The following SLC9B1 variants were observed in gnomAD, a reference collection of about 807,000 sequenced individuals.
SLC9B1 encodes the protein sodium/hydrogen exchanger 9B1.
A neutral mutation model predicts 51.7 loss-of-function variants in SLC9B1; 32 were observed. That is an observed-to-expected ratio of 0.62 (90% CI 0.47 to 0.83). The LOEUF is 0.83. Ranked by LOEUF, SLC9B1 falls within the 40% of genes least tolerant of loss-of-function variation. The pLI, the probability that SLC9B1 is intolerant of heterozygous loss-of-function variation, is 0.00. For missense variants in SLC9B1, 406 were observed against 613.2 expected, an observed-to-expected ratio of 0.66 and a Z score of 3.57; for synonymous variants, 145 against 212.7, an observed-to-expected ratio of 0.68 and a Z score of 2.77.
At position 102,949,344 on chromosome 4, in the gene SLC9B1, A is replaced by G; in HGVS notation, c.295T>C (p.Phe99Leu). The G allele has an allele frequency of 1.2e-6, 2 of 1,611,238 alleles. No individual in the cohort carries two copies. Among genetic ancestry groups the G allele is most frequent in the Non-Finnish European group, 1.7e-6 (2 of 1,179,510 alleles). The change falls in exon 4 of 12, where the codon TTC becomes CTC. Residue 99 changes from phenylalanine to leucine, a missense_variant. By Grantham distance (22) the Phe-to-Leu change is conservative (BLOSUM62 0). Coordinates refer to ENST00000296422, the MANE Select transcript of SLC9B1 (RefSeq NM_139173.4). ...ATAATGGCACTATAAAAAATAATGAACAACCCAAATAAATTTCCACCAGGG... is the reference window on the plus strand; with the variant it reads ...ATAATGGCACTATAAAAAATAATGAGCAACCCAAATAAATTTCCACCAGGG... ...ALPGGNLFGL[F>L]IIFYSAIIGG...
At chr4:102,894,963 T>G (rs917490829) in intron 11 of SLC9B1, among the ~76,000 whole-genome samples, 2 of 152,070 alleles carry the variant, frequency 1.3e-5, no homozygotes, top group Non-Finnish European at 2.9e-5. Context: ...TGTAAAAACA[T>G]AAATCTAAAA....
At chr4:102,898,775 C>T (rs1734655335), downstream of SLC9B1, among the ~76,000 whole-genome samples, 2 of 152,150 alleles carry the variant, frequency 1.3e-5, no homozygotes, top group Admixed American at 6.5e-5. Context: ...TCACCCAGGC[C>T]GGAGTGCAGT....
At chr4:102,951,511 GAGA>G (rs1180024791) in intron 3 of SLC9B1, among the ~76,000 whole-genome samples, 12 of 151,874 alleles carry the variant, frequency 7.9e-5, no homozygotes, top group Non-Finnish European at 1.2e-4. Flanking sequence ...TTGGAGACAT[GAGA>G]AGAAGAAATT....
At chr4:103,003,653 C>T (rs1363026419) in intron 1 of SLC9B1, among the ~76,000 whole-genome samples, 1 of 152,126 alleles carries the variant, frequency 6.6e-6, no homozygotes, top group Non-Finnish European at 1.5e-5. Flanking sequence ...GATCCTCTTG[C>T]CACTACCCCA....
At chr4:102,961,996 T>G (rs1738161848) in intron 3 of SLC9B1, 1 of 262,852 alleles carries the variant, frequency 3.8e-6, no homozygotes, top group African/African-American at 2.3e-5. Flanking sequence ...GACTGTGGCA[T>G]CAGGTAAGAG....
rs1328998817 is a variant in SLC9B1 at position 102,922,315 on chromosome 4, G to A, written c.829+9809C>T. On this transcript the variant is annotated intron_variant, in intron 7 of 11. Transcript: ENST00000296422. ...CAATTTGCTCCTGAATGACTACTGG[G>A]TAAATAACAAAATGAAGGCAGAAAT... is the stretch of plus-strand genomic sequence containing the variant. Among the ~76,000 whole-genome samples, 29 of 152,126 alleles carry A rather than the reference G, an allele frequency of 1.9e-4. 1 individual carries two copies. The highest frequency in any genetic ancestry group is 1.9e-3 in the Admixed American group (29 of 15,258).
At chr4:102,968,041 C>A (rs1450517117) in intron 3 of SLC9B1, among the ~76,000 whole-genome samples, 3 of 151,954 alleles carry the variant, frequency 2.0e-5, no homozygotes, top group Non-Finnish European at 4.4e-5. Flanking sequence ...CCTAGAATAG[C>A]CAAAAAAATC....
In SLC9B1 at chr4:102,901,334, T is replaced by C. The variant is rs1312484155; in HGVS notation, c.1333-2A>G. 1 of 1,611,666 alleles carries C rather than the reference T, an allele frequency of 6.2e-7. No homozygotes were observed. Among genetic ancestry groups the C allele is most frequent in the African/African-American group, 1.3e-5 (1 of 74,874 alleles). Reference sequence around the variant, plus strand: ...TAGAGCCAGAGGACCTAACACAGCCTGCATTTAGGGGTAAAAATGGGGCAT... The same window carrying C: ...TAGAGCCAGAGGACCTAACACAGCCCGCATTTAGGGGTAAAAATGGGGCAT... On this transcript the variant is annotated splice_acceptor_variant, in intron 11 of 11. Transcript: ENST00000296422. LOFTEE classifies it high-confidence loss of function.
chr4:102,910,341 T>C (rs1402649047), intron 9 of SLC9B1, 98 bp downstream of exon 9: 5 of 1,105,480 alleles, frequency 4.5e-6, no homozygotes, highest in Non-Finnish European at 6.2e-6. Flanking sequence ...AGAAAACCTT[T>C]TGGAACATTT....
At chr4:102,979,368 T>A (rs550373285) in intron 3 of SLC9B1, among the ~76,000 whole-genome samples, 1 of 152,158 alleles carries the variant, frequency 6.6e-6, no homozygotes, top group African/African-American at 2.4e-5. Context: ...CTCTTTTCAT[T>A]TGTTATTCTC....
intron 3 of SLC9B1, 81 bp downstream of exon 3, chr4:102,989,719 G>A (rs1219374885): frequency 1.6e-5 from 15 of 933,916 alleles, no homozygotes; most frequent in Non-Finnish European, 1.6e-6. Flanking sequence ...TGATTAAGTA[G>A]TGTCTTTGTT....
At chr4:102,931,000 G>A (rs941297842) in intron 7 of SLC9B1, among the ~76,000 whole-genome samples, 3 of 151,840 alleles carry the variant, frequency 2.0e-5, no homozygotes, top group Admixed American at 6.6e-5. Flanking sequence ...CGAGGCGGGC[G>A]GATCATGAGG....
At chr4:102,932,448 T>C in intron 6 of SLC9B1, 149 bp from the exon 7 acceptor site, 1 of 773,956 alleles carries the variant, frequency 1.3e-6, no homozygotes, top group East Asian at 2.7e-5. Flanking sequence ...GATAAAACTT[T>C]TCATGCATTG....
chr4:102,930,803 T>C (rs1361152135), intron 7 of SLC9B1, among the ~76,000 whole-genome samples: 1 of 152,210 alleles, frequency 6.6e-6, no homozygotes, highest in Non-Finnish European at 1.5e-5. Flanking sequence ...ACAGGATAAG[T>C]AATTATGATG....
rs953415740 is a variant in SLC9B1 at position 102,991,544 on chromosome 4, G to T, written c.69+99C>A. 1.2e-5 allele frequency: 9 copies of T among 756,956 alleles called. No individual in the cohort carries two copies. The African/African-American group carries it at 1.6e-4, about 14-fold the overall frequency. 46.9% of individuals were successfully genotyped at this position (756,956 alleles called of 1,614,324 possible). A position where few individuals can be genotyped will look rare whatever the true frequency, so the allele number is the denominator to read the frequency against. ...ATTTACCACTTTTCATTTTTAACCA[G>T]ATATATAAAAGAAACCTATCTAATA... is the stretch of plus-strand genomic sequence containing the variant. On this transcript the variant is annotated intron_variant, in intron 2 of 11. Transcript: ENST00000296422.
At chr4:102,962,684 T>C in intron 3 of SLC9B1, 1 of 469,342 alleles carries the variant, frequency 2.1e-6, no homozygotes, top group Non-Finnish European at 4.4e-6. Context: ...TGATACTGTG[T>C]ATTTCACTCA....
At chr4:102,932,936 C>A (rs907549625) in intron 6 of SLC9B1, among the ~76,000 whole-genome samples, 11 of 152,140 alleles carry the variant, frequency 7.2e-5, no homozygotes, top group African/African-American at 2.7e-4. Flanking sequence ...GTGTGGCCAC[C>A]TAAGTTACAA....
At chr4:103,005,918 T>C (rs779775660) in intron 1 of SLC9B1, among the ~76,000 whole-genome samples, 32 of 152,056 alleles carry the variant, frequency 2.1e-4, no homozygotes, top group Non-Finnish European at 4.1e-4. Flanking sequence ...AGATACAATA[T>C]AACAGAATCT....
intron 7 of SLC9B1, among the ~76,000 whole-genome samples, chr4:102,930,672 G>A (rs1392579438): frequency 6.6e-6 from 1 of 151,584 alleles, no homozygotes; most frequent in East Asian, 1.9e-4. Context: ...GCCTCCCAAA[G>A]TGCTGGGATT....
Sources: allele counts gnomAD v4.1 joint callset (sites outside exome capture counted in the v4.1 genomes callset), GRCh38; gene constraint gnomAD v4.1.1; transcripts MANE v1.5; gene names NCBI Gene and HGNC (gene_info 2026-07-23, HGNC 2026-07-21).